The following ITFG1 variants were observed in gnomAD, a reference collection of about 807,000 sequenced individuals.
The protein encoded by ITFG1 is T-cell immunomodulatory protein.
A neutral mutation model predicts 81.8 loss-of-function variants in ITFG1; 34 were observed. The ratio of observed to expected loss-of-function variants is 0.42; its 90% confidence interval spans 0.32 to 0.55. The LOEUF is 0.55. Among genes scored for constraint, ITFG1 ranks in the 20% least tolerant of loss-of-function variants. The pLI, the probability that ITFG1 is intolerant of heterozygous loss-of-function variation, is 0.17. For synonymous variants in ITFG1, 285 were observed against 270.6 expected (o/e 1.05, Z -0.52); for missense variants, 672 against 755.4 (o/e 0.89, Z 1.29).
chr16:47,175,299 A>C (rs1965010758), intron 14 of ITFG1, among the ~76,000 whole-genome samples: 1 of 151,384 alleles, frequency 6.6e-6, no homozygotes, highest in Non-Finnish European at 1.5e-5. Flanking sequence ...GAGGAAATTT[A>C]AGAAAATTTA....
intron 16 of ITFG1, among the ~76,000 whole-genome samples, chr16:47,160,133 G>A (rs1011268074): frequency 6.7e-6 from 1 of 149,748 alleles, no homozygotes; most frequent in African/African-American, 2.5e-5. Context: ...GATGTTTTTG[G>A]TAGTTCTACT....
intron 7 of ITFG1, among the ~76,000 whole-genome samples, chr16:47,371,796 C>T (rs760664860): frequency 6.6e-5 from 10 of 152,148 alleles, no homozygotes; most frequent in South Asian, 2.1e-4. Context: ...GCTAAACAAT[C>T]GACAATGAAC....
intron 10 of ITFG1, among the ~76,000 whole-genome samples, chr16:47,307,243 A>C (rs987724251): frequency 1.2e-4 from 19 of 152,110 alleles, no homozygotes; most frequent in African/African-American, 4.6e-4. Context: ...AAGGAATGCA[A>C]CTTTATACCT....
chr16:47,318,604 GACCC>G (rs1194052012), intron 8 of ITFG1, among the ~76,000 whole-genome samples: 1 of 151,984 alleles, frequency 6.6e-6, no homozygotes, highest in Non-Finnish European at 1.5e-5. Flanking sequence ...AAAAACTGAA[GACCC>G]CAAAGAGCTT....
At chr16:47,178,497 T>C (rs1382597703) in intron 14 of ITFG1, among the ~76,000 whole-genome samples, 2 of 152,172 alleles carry the variant, frequency 1.3e-5, no homozygotes, top group Non-Finnish European at 2.9e-5. Flanking sequence ...ATTTAATAAA[T>C]GGTGCTGGGA....
intron 10 of ITFG1, among the ~76,000 whole-genome samples, chr16:47,298,527 C>T (rs572827728): frequency 5.9e-5 from 9 of 151,456 alleles, no homozygotes; most frequent in Admixed American, 2.6e-4. Flanking sequence ...AGGGCTGTTT[C>T]TCTTTGCTTC....
chr16:47,259,458 T>C (rs1033633977), intron 11 of ITFG1, among the ~76,000 whole-genome samples: 1 of 152,180 alleles, frequency 6.6e-6, no homozygotes, highest in African/African-American at 2.4e-5. Flanking sequence ...CTTGTGATAT[T>C]TCTGTCAATT....
chr16:47,272,752 T>C (rs1438061048), intron 10 of ITFG1, among the ~76,000 whole-genome samples: 1 of 151,992 alleles, frequency 6.6e-6, no homozygotes, highest in Non-Finnish European at 1.5e-5. Flanking sequence ...AATTGTATGG[T>C]GTGTGAATTA....
chr16:47,273,141 T>C (rs1342226986), intron 10 of ITFG1, among the ~76,000 whole-genome samples: 4 of 151,966 alleles, frequency 2.6e-5, no homozygotes, highest in Admixed American at 2.0e-4. Context: ...GTCATTTCTA[T>C]ATTCAGTGAG....
chr16:47,274,680 T>C (rs188299749), intron 10 of ITFG1, among the ~76,000 whole-genome samples: 3 of 152,302 alleles, frequency 2.0e-5, no homozygotes, highest in African/African-American at 7.2e-5. Context: ...AGAATACCTA[T>C]GATAATGAAA....
At chr16:47,356,579 A>G (rs1025767996) in intron 8 of ITFG1, among the ~76,000 whole-genome samples, 3 of 152,186 alleles carry the variant, frequency 2.0e-5, no homozygotes, top group Non-Finnish European at 4.4e-5. Context: ...TGAATAAGTG[A>G]TAAGTAGTAA....
intron 6 of ITFG1, chr16:47,426,019 T>C (rs1035977762): frequency 2.0e-5 from 3 of 152,236 alleles, no homozygotes; most frequent in African/African-American, 7.2e-5. Flanking sequence ...CTGGTAACAT[T>C]TGAGTCCTTT....
rs1567409331 is a variant in ITFG1, at chr16:47,158,929, T to C, written c.1723A>G (p.Ile575Val). Residue 575 changes from isoleucine (I) to valine (V), a missense_variant, in exon 17 of 18, where the codon ATC becomes GTC. Ile to Val is a conservative substitution (Grantham distance 29). This residue lies in a region of ITFG1 where 65 missense variants were observed against 103.3 expected (regional missense o/e 0.63). Coordinates refer to ENST00000320640, the MANE Select transcript of ITFG1 (RefSeq NM_030790.5). ...GCCAAGATGAAAACACAGACACCGA[T>C]GAGAGCTATAGCAGTAAGCAGAACA... ...NIVLLTAIALIGVCVFILAII... is the reference protein window; with the variant it reads ...NIVLLTAIALVGVCVFILAII... 2 of 1,606,386 alleles carry C rather than the reference T, an allele frequency of 1.2e-6. No individual in the cohort carries two copies. Among genetic ancestry groups the C allele is most frequent in the Non-Finnish European group, 1.7e-6 (2 of 1,176,038 alleles).
intron 6 of ITFG1, among the ~76,000 whole-genome samples, chr16:47,390,306 G>A (rs1968514225): frequency 6.6e-6 from 1 of 152,186 alleles, no homozygotes; most frequent in South Asian, 2.1e-4. Flanking sequence ...CTGAAAGTTT[G>A]TTGTGAGGTT....
chr16:47,348,150 G>C (rs1309567058), intron 8 of ITFG1, among the ~76,000 whole-genome samples: 1 of 152,194 alleles, frequency 6.6e-6, no homozygotes, highest in Non-Finnish European at 1.5e-5. Flanking sequence ...AAAAATCAGA[G>C]CACCTCTCCT....
At position 47,273,974 on chromosome 16, in the gene ITFG1, C is replaced by T. The variant is rs193086991; in HGVS notation, c.1071-13279G>A. ...ATAACTATGAGATACAAGAATTAAT[C>T]GGCTGGGCGTGGTGGCTCACGCCTG... On this transcript the variant is annotated intron_variant, in intron 10 of 17. Coordinates refer to ENST00000320640, the MANE Select transcript of ITFG1 (RefSeq NM_030790.5). Among the ~76,000 whole-genome samples, 18 of 151,996 alleles carry T rather than the reference C, an allele frequency of 1.2e-4. No homozygotes were observed. The East Asian group carries it at 2.7e-3, about 23-fold the overall frequency.
intron 10 of ITFG1, among the ~76,000 whole-genome samples, chr16:47,304,869 G>A (rs1337426828): frequency 1.3e-5 from 2 of 152,086 alleles, no homozygotes; most frequent in African/African-American, 4.8e-5. Context: ...CACTATTCTT[G>A]TAAAAAAGCT....
At chr16:47,201,144 C>A (rs1373520253) in intron 14 of ITFG1, among the ~76,000 whole-genome samples, 1 of 151,990 alleles carries the variant, frequency 6.6e-6, no homozygotes, top group Non-Finnish European at 1.5e-5. Flanking sequence ...AATAATTATA[C>A]CATCTTTTCT....
chr16:47,361,686 A>G (rs1051779055), intron 8 of ITFG1, among the ~76,000 whole-genome samples: 2 of 152,188 alleles, frequency 1.3e-5, no homozygotes, highest in Non-Finnish European at 2.9e-5. Context: ...GGTAATTTCT[A>G]TGACTAAGGG....
Sources: allele counts gnomAD v4.1 joint callset (sites outside exome capture counted in the v4.1 genomes callset), GRCh38; gene constraint gnomAD v4.1.1; regional missense constraint gnomAD v4.1.1; transcripts MANE v1.5; gene names NCBI Gene and HGNC (gene_info 2026-07-23, HGNC 2026-07-21).